The following CDH13 variants were observed in gnomAD, a reference collection of about 807,000 sequenced individuals.
CDH13 encodes the protein cadherin-13.
A neutral mutation model predicts 63.8 loss-of-function variants in CDH13; 24 were observed. That is an observed-to-expected ratio of 0.38 (90% CI 0.27 to 0.53). CDH13 has a LOEUF of 0.53. Among genes scored for constraint, CDH13 ranks in the 20% least tolerant of loss-of-function variants. CDH13 has a pLI of 0.85. For synonymous variants in CDH13, 503 were observed against 355.3 expected (o/e 1.42, Z -4.67); for missense variants, 1,049 against 903.1 (o/e 1.16, Z -2.07).
chr16:83,134,127 A>G (rs1049688898), intron 4 of CDH13, among the ~76,000 whole-genome samples: 3 of 152,206 alleles, frequency 2.0e-5, no homozygotes, highest in Admixed American at 1.3e-4. Context: ...TAAATTGGTA[A>G]TGAGGCCACC....
At chr16:83,419,483 T>G (rs1222295460) in intron 6 of CDH13, among the ~76,000 whole-genome samples, 1 of 152,214 alleles carries the variant, frequency 6.6e-6, no homozygotes, top group Non-Finnish European at 1.5e-5. Context: ...TTTACATCCT[T>G]AGATCAGGAG....
chr16:82,715,041 C>G (rs943644515), intron 1 of CDH13, among the ~76,000 whole-genome samples: 1 of 146,464 alleles, frequency 6.8e-6, no homozygotes, highest in African/African-American at 2.5e-5. Flanking sequence ...TCCACTATGT[C>G]TAGATCCAAA....
rs141024645 is a variant in CDH13 at position 83,183,922 on chromosome 16, T to G, written c.484-33423T>G. Among the ~76,000 whole-genome samples, 112 of 152,224 alleles carry G rather than the reference T, an allele frequency of 7.4e-4. 2 individuals carry two copies. Among genetic ancestry groups the G allele is most frequent in the African/African-American group, 2.7e-3 (111 of 41,528 alleles). The stretch of plus-strand genomic sequence containing the variant: ...CTAGAAGTAAGGGAGAAAGAACCTT[T>G]TCATCACCACCCCAATCCCAAAATT... On this transcript the variant is annotated intron_variant, in intron 4 of 13. Transcript: ENST00000567109.
intron 6 of CDH13, among the ~76,000 whole-genome samples, chr16:83,465,516 G>C (rs1253134012): frequency 6.6e-6 from 1 of 152,178 alleles, no homozygotes; most frequent in African/African-American, 2.4e-5. Context: ...TATTAAGATG[G>C]AAATTTTCAC....
At chr16:82,635,796 G>A (rs1908581075) in intron 1 of CDH13, among the ~76,000 whole-genome samples, 1 of 152,192 alleles carries the variant, frequency 6.6e-6, no homozygotes, top group East Asian at 1.9e-4. Context: ...AGCCCAGTGG[G>A]AGGTGATTAG....
rs958006144 is a variant in CDH13, at chr16:83,578,845, A to G, written c.961-23609A>G. Among the ~76,000 whole-genome samples, 4 of 152,188 alleles carry G rather than the reference A, an allele frequency of 2.6e-5. 1 individual carries two copies. The highest frequency in any genetic ancestry group is 2.6e-4 in the Admixed American group (4 of 15,278). ...TATGTGTATCATTTCATTAGTGCTC[A>G]CAACAATGCGGTGAGGCAGATTCTA... On this transcript the variant is annotated intron_variant, in intron 7 of 13. Coordinates refer to ENST00000567109, the MANE Select transcript of CDH13 (RefSeq NM_001257.5).
intron 5 of CDH13, among the ~76,000 whole-genome samples, chr16:83,226,593 A>G (rs2039847104): frequency 6.6e-6 from 1 of 152,182 alleles, no homozygotes; most frequent in Admixed American, 6.5e-5. Flanking sequence ...TTGTCTAACT[A>G]CAACCAGGTC....
At chr16:83,540,265 G>C (rs968193520) in intron 7 of CDH13, among the ~76,000 whole-genome samples, 3 of 152,018 alleles carry the variant, frequency 2.0e-5, no homozygotes, top group African/African-American at 7.2e-5. Context: ...ATATGAGTAA[G>C]CGCCAAACTG....
At chr16:83,447,796 T>C (rs2072755894) in intron 6 of CDH13, among the ~76,000 whole-genome samples, 1 of 150,550 alleles carries the variant, frequency 6.6e-6, no homozygotes, top group Non-Finnish European at 1.5e-5. Flanking sequence ...TTTATAATGA[T>C]TTATATTAAA....
At chr16:82,633,245 G>T (rs1170034672) in intron 1 of CDH13, among the ~76,000 whole-genome samples, 1 of 152,194 alleles carries the variant, frequency 6.6e-6, no homozygotes, top group Non-Finnish European at 1.5e-5. Flanking sequence ...CATGAGTGTT[G>T]CTCCCTCACG....
chr16:83,604,961 T>A (rs1464339213), intron 8 of CDH13, among the ~76,000 whole-genome samples: 3 of 152,202 alleles, frequency 2.0e-5, no homozygotes, highest in Non-Finnish European at 4.4e-5. Context: ...AAGGAATAAT[T>A]TAACATGGAC....
At chr16:83,412,468 T>C (rs952508827) in intron 6 of CDH13, among the ~76,000 whole-genome samples, 24 of 151,830 alleles carry the variant, frequency 1.6e-4, no homozygotes, top group African/African-American at 5.8e-4. Flanking sequence ...TCTCAAAAAA[T>C]AAAAATAAAA....
intron 2 of CDH13, among the ~76,000 whole-genome samples, chr16:83,014,766 ATATATATATGTATATATATATATTTG>A (rs1914549290): frequency 1.9e-5 from 1 of 51,482 alleles, no homozygotes; most frequent in Non-Finnish European, 3.9e-5. Context: ...ATATATATAT[ATATATATATGTATATATATATATTTG>A]TATATATATA....
intron 2 of CDH13, among the ~76,000 whole-genome samples, chr16:82,868,839 A>T (rs958870293): frequency 2.6e-5 from 4 of 152,206 alleles, no homozygotes; most frequent in African/African-American, 9.6e-5. Context: ...GCAGACAGAG[A>T]TGCCACAGTT....
chr16:83,072,215 C>G (rs72796239), intron 3 of CDH13, among the ~76,000 whole-genome samples: 8,533 of 152,190 alleles, frequency 0.056, 268 homozygotes, highest in South Asian at 0.094. Context: ...AATCCTTGCT[C>G]TGTATTCAGT....
At chr16:82,862,348 A>G (rs1437305631) in intron 2 of CDH13, among the ~76,000 whole-genome samples, 1 of 152,184 alleles carries the variant, frequency 6.6e-6, no homozygotes, top group Non-Finnish European at 1.5e-5. Flanking sequence ...TGACTATCCT[A>G]TGTTCTGCAA....
chr16:83,447,566 A>G (rs2072747451), intron 6 of CDH13, among the ~76,000 whole-genome samples: 1 of 152,110 alleles, frequency 6.6e-6, no homozygotes. Context: ...GGCGGGGCAG[A>G]TGATACCAGA....
At chr16:83,274,873 C>T (rs11647684) in intron 5 of CDH13, among the ~76,000 whole-genome samples, 1 of 152,048 alleles carries the variant, frequency 6.6e-6, no homozygotes, top group Admixed American at 6.5e-5. Context: ...AGTTTGGGGA[C>T]TTCCTTCTTA....
intron 4 of CDH13, among the ~76,000 whole-genome samples, chr16:83,141,635 A>G (rs1431559300): frequency 6.6e-6 from 1 of 152,122 alleles, no homozygotes; most frequent in Non-Finnish European, 1.5e-5. Context: ...CCCCGTGTGC[A>G]TTAGGTATTT....
Sources: gnomAD v4.1 joint callset for allele counts (sites outside exome capture counted in the v4.1 genomes callset) on GRCh38, gnomAD v4.1.1 for gene constraint, MANE v1.5 for transcripts, NCBI Gene and HGNC (gene_info 2026-07-23, HGNC 2026-07-21) for gene names.